ALK: variants seen among roughly 807,000 people sequenced by gnomAD.
The protein encoded by ALK is ALK tyrosine kinase receptor.
A neutral mutation model predicts 163.1 loss-of-function variants in ALK; 74 were observed. The ratio of observed to expected loss-of-function variants is 0.45; its 90% CI spans 0.38 to 0.55. The LOEUF is 0.55. Among genes scored for constraint, ALK ranks in the 20% least tolerant of loss-of-function variants. The probability of loss-of-function intolerance (pLI) is 0.00; values close to 1 mark genes in which losing one functional copy is unlikely to be tolerated. For synonymous variants in ALK, 960 were observed against 843.2 expected, an observed-to-expected ratio of 1.14 and a Z score of -2.40; for missense variants, 2,063 against 2,105.3, an observed-to-expected ratio of 0.98 and a Z score of 0.39.
intron 5 of ALK, among the ~76,000 whole-genome samples, chr2:29,376,258 T>C (rs1296000752): frequency 6.6e-6 from 1 of 152,260 alleles, no homozygotes; most frequent in East Asian, 1.9e-4. Context: ...TTATTTTCTC[T>C]AAAATAAATC....
intron 19 of ALK, among the ~76,000 whole-genome samples, chr2:29,225,198 C>A (rs549863984): frequency 6.6e-6 from 1 of 152,148 alleles, no homozygotes; most frequent in East Asian, 1.9e-4. Flanking sequence ...TGAAGGAGCT[C>A]CCCACCCCCT....
Position 29,920,185 on chromosome 2 carries a change from C to A in ALK, c.475G>T (p.Gly159Trp). The change falls in exon 1 of 29, where the codon GGG (glycine) becomes TGG (tryptophan). Residue 159 changes from glycine (G) to tryptophan (W), a missense_variant. Physicochemically the swap from Gly to Trp is radical, Grantham distance 184. Coordinates refer to ENST00000389048, the MANE Select transcript of ALK (RefSeq NM_004304.5). Reference sequence around the variant, plus strand: ...TGGAGCAGCCCCACAGCCGCCTCCCCGGGGGGCCCGACGCAACCCTCCAAG... The same window carrying A: ...TGGAGCAGCCCCACAGCCGCCTCCCAGGGGGGCCCGACGCAACCCTCCAAG... The part of the protein sequence containing the change: ...AILEGCVGPP[G>W]EAAVGLLQFN... 1 of 1,613,370 alleles carries A rather than the reference C, an allele frequency of 6.2e-7. No homozygotes were observed. The highest frequency in any genetic ancestry group is 8.5e-7 in the Non-Finnish European group (1 of 1,180,002).
At chr2:29,358,375 A>G (rs747094817) in intron 5 of ALK, among the ~76,000 whole-genome samples, 1 of 152,246 alleles carries the variant, frequency 6.6e-6, no homozygotes, top group Non-Finnish European at 1.5e-5. Context: ...AAAAGTAAAG[A>G]TGGAGAAAAC....
At chr2:29,696,234 C>T (rs925628811) in intron 2 of ALK, among the ~76,000 whole-genome samples, 25 of 151,962 alleles carry the variant, frequency 1.6e-4, no homozygotes, top group African/African-American at 4.4e-4. Context: ...GTCTTTTGCA[C>T]GGACATAGAT....
intron 1 of ALK, among the ~76,000 whole-genome samples, chr2:29,800,867 T>C (rs1664449290): frequency 6.6e-6 from 1 of 152,188 alleles, no homozygotes; most frequent in Non-Finnish European, 1.5e-5. Flanking sequence ...GTATAGTCAT[T>C]TGTCATCTGT....
At chr2:29,397,065 A>C (rs1669328273) in intron 4 of ALK, among the ~76,000 whole-genome samples, 1 of 152,052 alleles carries the variant, frequency 6.6e-6, no homozygotes, top group Non-Finnish European at 1.5e-5. Context: ...GTGGGCAGGA[A>C]AGGCAGTATC....
At chr2:29,755,162 A>G (rs1680480583) in intron 1 of ALK, among the ~76,000 whole-genome samples, 1 of 152,180 alleles carries the variant, frequency 6.6e-6, no homozygotes, top group African/African-American at 2.4e-5. Context: ...CAATAAGGCG[A>G]TTTCACGCAG....
chr2:29,610,203 C>T (rs926758141), intron 3 of ALK, among the ~76,000 whole-genome samples: 4 of 152,148 alleles, frequency 2.6e-5, no homozygotes, highest in African/African-American at 9.7e-5. Flanking sequence ...CATGCTGCAA[C>T]AGGAGTACCA....
intron 16 of ALK, 97 bp downstream of exon 16, chr2:29,228,777 CCACACTTGGG>C: frequency 1.3e-6 from 1 of 790,058 alleles, no homozygotes. Context: ...ACATCACAGT[CCACACTTGGG>C]CAGGCCAGGG....
intron 1 of ALK, among the ~76,000 whole-genome samples, chr2:29,834,322 C>T (rs1393443668): frequency 3.3e-5 from 5 of 152,142 alleles, no homozygotes; most frequent in Admixed American, 3.3e-4. Flanking sequence ...GCTGATTTTG[C>T]CAGGTTTTGT....
chr2:29,281,526 A>T (rs1210680136), intron 9 of ALK, among the ~76,000 whole-genome samples: 1 of 152,164 alleles, frequency 6.6e-6, no homozygotes, highest in Non-Finnish European at 1.5e-5. Context: ...CTGTTTCTTC[A>T]AAGAGGACAC....
intron 2 of ALK, among the ~76,000 whole-genome samples, chr2:29,717,190 A>AAAAT (rs34789739): frequency 1.7e-5 from 2 of 114,542 alleles, no homozygotes. Flanking sequence ...AAAAAAAAAA[A>AAAAT]GAGAGAGAGA....
chr2:29,887,892 AAAAG>A (rs1667025528), intron 1 of ALK, among the ~76,000 whole-genome samples: 1 of 152,220 alleles, frequency 6.6e-6, no homozygotes, highest in South Asian at 2.1e-4. Flanking sequence ...CCTTTACTTC[AAAAG>A]AAAGAAACAT....
intron 1 of ALK, among the ~76,000 whole-genome samples, chr2:29,820,792 T>C (rs1247502928): frequency 6.6e-6 from 1 of 152,212 alleles, no homozygotes; most frequent in Non-Finnish European, 1.5e-5. Flanking sequence ...ACAGAAGTGA[T>C]GTGATGTTGG....
chr2:29,345,681 G>A (rs1387490957), intron 5 of ALK, among the ~76,000 whole-genome samples: 1 of 152,036 alleles, frequency 6.6e-6, no homozygotes, highest in Non-Finnish European at 1.5e-5. Context: ...ACTCATAGCA[G>A]ATTATAATAC....
chr2:29,858,837 G>A (rs539820154), intron 1 of ALK, among the ~76,000 whole-genome samples: 109 of 152,062 alleles, frequency 7.2e-4, no homozygotes, highest in Admixed American at 1.2e-3. Flanking sequence ...TCAGGAATTC[G>A]AGACCAGCCT....
chr2:29,661,997 CCTCCCAGGTTCAAGCAATT>C (rs1486421605), intron 3 of ALK, among the ~76,000 whole-genome samples: 1 of 152,104 alleles, frequency 6.6e-6, no homozygotes, highest in Non-Finnish European at 1.5e-5. Flanking sequence ...GAAACCCCTA[CCTCCCAGGTTCAAGCAATT>C]CTCCTGCCTC....
intron 26 of ALK, among the ~76,000 whole-genome samples, chr2:29,201,715 A>G (rs1573091710): frequency 6.6e-6 from 1 of 151,232 alleles, no homozygotes; most frequent in East Asian, 2.0e-4. Flanking sequence ...TCAACCTAGG[A>G]GGCGGAGGTT....
rs147669169 is a variant in ALK, at chr2:29,919,364, T to C, written c.667+629A>G. Among the ~76,000 whole-genome samples the C allele has an allele frequency of 3.3e-4, 50 of 151,970 alleles. No homozygotes were observed. In the East Asian group the frequency reaches 9.5e-3, roughly 29 times the overall value. On this transcript the variant is annotated intron_variant, in intron 1 of 28. Coordinates refer to ENST00000389048, the MANE Select transcript of ALK (RefSeq NM_004304.5). ...TCCCTCCTGTCCTCTGTTCCTTAGT[T>C]TCTCTGGGGCTTTCCCAACAACATG...
Sources: gnomAD v4.1 joint callset for allele counts (sites outside exome capture counted in the v4.1 genomes callset) on GRCh38, gnomAD v4.1.1 for gene constraint, MANE v1.5 for transcripts, NCBI Gene and HGNC (gene_info 2026-07-23, HGNC 2026-07-21) for gene names.